Variants in SCGN observed in about 807,000 individuals in gnomAD.
The protein encoded by SCGN is secretagogin.
SCGN carries 30 observed loss-of-function variants against 39.7 expected under a neutral mutation model. The ratio of observed to expected loss-of-function variants is 0.76; its 90% confidence interval spans 0.57 to 1.03. The LOEUF is 1.03. SCGN is among the 50% of genes least tolerant of loss of function. SCGN has a pLI of 0.00. For synonymous variants in SCGN, 106 were observed against 114.1 expected (o/e 0.93, Z 0.45); for missense variants, 353 against 349.4 (o/e 1.01, Z -0.08).
At chr6:25,678,300 G>A (rs1006215271) in intron 6 of SCGN, among the ~76,000 whole-genome samples, 8 of 152,086 alleles carry the variant, frequency 5.3e-5, no homozygotes, top group Admixed American at 2.6e-4. Flanking sequence ...CCCTACCACC[G>A]CCATCTTCAA....
chr6:25,675,948 A>G lies in SCGN; in HGVS notation c.471+5872A>G, dbSNP rs370689095. On this transcript the variant is annotated intron_variant, in intron 6 of 10. Coordinates refer to ENST00000377961, the MANE Select transcript of SCGN (RefSeq NM_006998.4). ...ACCTCTTGGATACACTTAGTTGTGT[A>G]TCTCCACTTGAATTGCATGCCTAAT... 1.7e-4 allele frequency among the ~76,000 whole-genome samples: 26 copies of G among 152,284 alleles called. 2 individuals carry two copies. The East Asian group carries it at 2.3e-3, about 14-fold the overall frequency.
intron 6 of SCGN, among the ~76,000 whole-genome samples, chr6:25,681,489 T>C (rs1289205236): frequency 3.3e-5 from 5 of 152,242 alleles, no homozygotes; most frequent in African/African-American, 9.6e-5. Flanking sequence ...AATAATTAGT[T>C]TTCCTCTTAA....
At chr6:25,653,047 C>G (rs7771426) in intron 1 of SCGN, among the ~76,000 whole-genome samples, 4 of 152,164 alleles carry the variant, frequency 2.6e-5, no homozygotes, top group Non-Finnish European at 4.4e-5. Context: ...GGATTCAATA[C>G]TTACACCTGT....
At chr6:25,699,793 T>C (rs1759885539) in intron 10 of SCGN, among the ~76,000 whole-genome samples, 1 of 152,078 alleles carries the variant, frequency 6.6e-6, no homozygotes, top group African/African-American at 2.4e-5. Flanking sequence ...TTCTGATTGG[T>C]CAATAGAGCT....
intron 4 of SCGN, among the ~76,000 whole-genome samples, chr6:25,666,805 T>C (rs1239384841): frequency 2.6e-5 from 4 of 152,192 alleles, no homozygotes; most frequent in Non-Finnish European, 4.4e-5. Flanking sequence ...AAATATTGGT[T>C]GTTTGTAAGT....
intron 7 of SCGN, among the ~76,000 whole-genome samples, chr6:25,688,568 G>A (rs1026704943): frequency 6.6e-6 from 1 of 152,122 alleles, no homozygotes; most frequent in Non-Finnish European, 1.5e-5. Flanking sequence ...TTGGGAGGCC[G>A]AGCCCGGCGG....
chr6:25,666,992 C>A (rs372238738), intron 4 of SCGN, among the ~76,000 whole-genome samples: 2 of 152,042 alleles, frequency 1.3e-5, no homozygotes, highest in African/African-American at 4.8e-5. Flanking sequence ...AGTGTATAGA[C>A]AATATGACCC....
intron 2 of SCGN, 91 bp from the exon 3 acceptor site, chr6:25,661,461 T>C: frequency 1.1e-6 from 1 of 891,300 alleles, no homozygotes. Context: ...AAAAACATAA[T>C]TTTCACGCTG....
rs1351168900 is a variant in SCGN, at chr6:25,697,177, A to G, written c.703-4030A>G. On this transcript the variant is annotated intron_variant, in intron 10 of 10. Coordinates refer to ENST00000377961, the MANE Select transcript of SCGN (RefSeq NM_006998.4). ...TTTCTTATTTTCATTTTAAAAAGCAATGGCAGGTGATAATTTGTAAACAAG... is the reference window on the plus strand; with the variant it reads ...TTTCTTATTTTCATTTTAAAAAGCAGTGGCAGGTGATAATTTGTAAACAAG... Among the ~76,000 whole-genome samples the G allele has an allele frequency of 3.3e-5, 5 of 152,306 alleles. No homozygotes were observed. The South Asian group carries it at 8.3e-4, about 25-fold the overall frequency.
At chr6:25,688,273 T>C (rs1759729848) in intron 7 of SCGN, among the ~76,000 whole-genome samples, 1 of 152,214 alleles carries the variant, frequency 6.6e-6, no homozygotes, top group South Asian at 2.1e-4. Context: ...GGTGTATTGA[T>C]GACTTTTGTT....
chr6:25,683,692 G>T (rs978551921), intron 7 of SCGN, among the ~76,000 whole-genome samples: 3 of 152,166 alleles, frequency 2.0e-5, no homozygotes, highest in African/African-American at 7.2e-5. Flanking sequence ...CTTTCACCTG[G>T]GTAGAATTAT....
chr6:25,691,035 A>C, intron 9 of SCGN, 21 bp from the exon 10 acceptor site: 1 of 1,606,988 alleles, frequency 6.2e-7, no homozygotes, highest in Non-Finnish European at 8.5e-7. Context: ...TATTTGGGCA[A>C]TTGGATCTTT....
At chr6:25,680,470 A>C (rs1759624620) in intron 6 of SCGN, among the ~76,000 whole-genome samples, 1 of 152,220 alleles carries the variant, frequency 6.6e-6, no homozygotes, top group Non-Finnish European at 1.5e-5. Context: ...TGATAGGTAG[A>C]AGCATAATTT....
chr6:25,681,152 G>C (rs1215940912), intron 6 of SCGN, among the ~76,000 whole-genome samples: 1 of 152,168 alleles, frequency 6.6e-6, no homozygotes, highest in Non-Finnish European at 1.5e-5. Flanking sequence ...TTAACTTTTA[G>C]TCCTATCTTG....
At chr6:25,660,557 C>G (rs1327757246) in intron 2 of SCGN, among the ~76,000 whole-genome samples, 1 of 152,234 alleles carries the variant, frequency 6.6e-6, no homozygotes, top group South Asian at 2.1e-4. Flanking sequence ...TCTTCCTTAT[C>G]TCAGGATGTT....
In SCGN at chr6:25,701,201, C is replaced by A; in HGVS notation, c.703-6C>A. 6.2e-7 allele frequency: 1 copy of A among 1,607,928 alleles called. No homozygotes were observed. The highest frequency in any genetic ancestry group is 8.5e-7 in the Non-Finnish European group (1 of 1,177,304). ...CCTGTTAACATGTTACTTTTGTCGC[C>A]CTCAGCCCAGCATCAGCGGGGTGGA... On this transcript the variant is annotated splice_polypyrimidine_tract_variant and splice_region_variant and intron_variant, in intron 10 of 10. Coordinates refer to ENST00000377961, the MANE Select transcript of SCGN (RefSeq NM_006998.4).
At chr6:25,686,612 T>C (rs1759707376) in intron 7 of SCGN, among the ~76,000 whole-genome samples, 1 of 152,168 alleles carries the variant, frequency 6.6e-6, no homozygotes, top group Admixed American at 6.5e-5. Flanking sequence ...TTATCAGATG[T>C]ATAATCAGCA....
chr6:25,658,183 G>T (rs1049553280), intron 2 of SCGN, among the ~76,000 whole-genome samples: 1 of 151,130 alleles, frequency 6.6e-6, no homozygotes, highest in Non-Finnish European at 1.5e-5. Context: ...GGGACTACAG[G>T]CACGTGCCAC....
chr6:25,652,544 C>T (rs1760153386), intron 1 of SCGN, 59 bp downstream of exon 1: 2 of 1,505,666 alleles, frequency 1.3e-6, no homozygotes, highest in East Asian at 4.5e-5. Flanking sequence ...GCTCAGCCCG[C>T]TGAAAGGACC....
Sources: gnomAD v4.1 joint callset for allele counts (sites outside exome capture counted in the v4.1 genomes callset) on GRCh38, gnomAD v4.1.1 for gene constraint, MANE v1.5 for transcripts, NCBI Gene and HGNC (gene_info 2026-07-23, HGNC 2026-07-21) for gene names.